Variants in LDLRAD3 observed in about 807,000 individuals in gnomAD.
LDLRAD3 encodes the protein low density lipoprotein receptor class A domain containing 3, also known as low-density lipoprotein receptor class A domain-containing protein 3.
In LDLRAD3, 20 loss-of-function variants were observed where a neutral mutation model predicts 29.4. The ratio of observed to expected loss-of-function variants is 0.68; its 90% CI spans 0.48 to 0.99. The LOEUF is 0.99. LDLRAD3 is among the 50% of genes least tolerant of loss of function. The probability of loss-of-function intolerance (pLI) is 0.00; values close to 1 mark genes in which losing one functional copy is unlikely to be tolerated. For synonymous variants in LDLRAD3, 157 were observed against 192.7 expected (o/e 0.81, Z 1.53); for missense variants, 420 against 454.3 (o/e 0.92, Z 0.69).
At chr11:35,949,399 T>C (rs1851102592) in intron 1 of LDLRAD3, among the ~76,000 whole-genome samples, 1 of 152,170 alleles carries the variant, frequency 6.6e-6, no homozygotes, top group Non-Finnish European at 1.5e-5. Context: ...CCAGATTGCC[T>C]TGGAAGTCTT....
At chr11:36,005,046 C>CTGGAGACA (rs1851867194) in intron 1 of LDLRAD3, among the ~76,000 whole-genome samples, 1 of 152,244 alleles carries the variant, frequency 6.6e-6, no homozygotes, top group Admixed American at 6.5e-5. Context: ...CTGAAATGCC[C>CTGGAGACA]TGGAGACATT....
intron 2 of LDLRAD3, among the ~76,000 whole-genome samples, chr11:36,060,065 T>C (rs999264865): frequency 3.3e-5 from 5 of 152,216 alleles, no homozygotes; most frequent in African/African-American, 1.2e-4. Context: ...TCAGAAGTTA[T>C]ATAACTCAGC....
chr11:36,223,450 C>G (rs1855456563), intron 4 of LDLRAD3, among the ~76,000 whole-genome samples: 1 of 152,126 alleles, frequency 6.6e-6, no homozygotes, highest in South Asian at 2.1e-4. Context: ...TTTCACTGGC[C>G]AGGAGTGGTG....
rs761816374 is a variant in LDLRAD3, at chr11:36,149,863, C to CTGTTCCTCATGACTCA, written c.454+51421_454+51436dup. Among the ~76,000 whole-genome samples the CTGTTCCTCATGACTCA allele has an allele frequency of 4.6e-5, 7 of 151,268 alleles. No homozygotes were observed. The East Asian group carries it at 7.7e-4, about 17-fold the overall frequency. On this transcript the variant is annotated intron_variant, in intron 4 of 5. Coordinates refer to ENST00000315571, the MANE Select transcript of LDLRAD3 (RefSeq NM_174902.4). ...TGACTCATGAATGTGTTCCTCATGA[C>CTGTTCCTCATGACTCA]TGTTCCTCATGACTCATGTTCCTCA...
intron 4 of LDLRAD3, among the ~76,000 whole-genome samples, chr11:36,209,446 G>C (rs972023457): frequency 9.6e-5 from 13 of 135,526 alleles, no homozygotes; most frequent in Admixed American, 2.5e-4. Flanking sequence ...TGCAACCTTC[G>C]CCTCCCGGGT....
chr11:36,056,282 C>T (rs899266306), intron 2 of LDLRAD3, among the ~76,000 whole-genome samples: 23 of 152,188 alleles, frequency 1.5e-4, no homozygotes, highest in African/African-American at 3.1e-4. Context: ...TGTGAGCCAC[C>T]GCACCTGGCT....
chr11:36,142,649 G>A (rs939914870), intron 4 of LDLRAD3, among the ~76,000 whole-genome samples: 1 of 152,178 alleles, frequency 6.6e-6, no homozygotes, highest in African/African-American at 2.4e-5. Flanking sequence ...GGGAGGGGCA[G>A]TGGTGCACCC....
At chr11:36,161,730 C>T (rs11033473) in intron 4 of LDLRAD3, among the ~76,000 whole-genome samples, 43,392 of 151,920 alleles carry the variant, frequency 0.29, 6,822 homozygotes, top group African/African-American at 0.41. Context: ...TTTATTTTGC[C>T]ACTAAATTTA....
chr11:36,081,813 G>A (rs879199133), intron 3 of LDLRAD3, 35 bp downstream of exon 3: 1 of 1,609,858 alleles, frequency 6.2e-7, no homozygotes, highest in African/African-American at 1.3e-5. Context: ...GTGATCCCTT[G>A]TTCTTTCCCG....
chr11:35,991,861 GGTT>G (rs994353253), intron 1 of LDLRAD3, among the ~76,000 whole-genome samples: 1 of 117,036 alleles, frequency 8.5e-6, no homozygotes, highest in Non-Finnish European at 1.8e-5. Flanking sequence ...TAAATTGAAT[GGTT>G]GTTTGTGTGT....
intron 4 of LDLRAD3, among the ~76,000 whole-genome samples, chr11:36,112,036 G>A (rs1015396679): frequency 1.3e-5 from 2 of 152,216 alleles, no homozygotes; most frequent in Admixed American, 6.5e-5. Flanking sequence ...TAGGTCAGCT[G>A]TTATTGAAAC....
chr11:36,217,416 A>G (rs1271856691), intron 4 of LDLRAD3, among the ~76,000 whole-genome samples: 1 of 152,024 alleles, frequency 6.6e-6, no homozygotes, highest in African/African-American at 2.4e-5. Context: ...GGCTAAGAGT[A>G]CAGATGCTGG....
intron 1 of LDLRAD3, among the ~76,000 whole-genome samples, chr11:36,033,931 A>G (rs1852272164): frequency 6.6e-6 from 1 of 152,228 alleles, no homozygotes; most frequent in Non-Finnish European, 1.5e-5. Context: ...GAGAAATTGC[A>G]GCAGAATAGG....
chr11:36,129,121 G>A (rs1400710192), intron 4 of LDLRAD3, among the ~76,000 whole-genome samples: 2 of 152,134 alleles, frequency 1.3e-5, no homozygotes, highest in Non-Finnish European at 2.9e-5. Context: ...CCTCCAGCTC[G>A]AGAGATTTAA....
chr11:36,000,928 C>T lies in LDLRAD3; in HGVS notation c.47-35175C>T, dbSNP rs560909172. On this transcript the variant is annotated intron_variant, in intron 1 of 5. Transcript: ENST00000315571. Reference sequence around the variant, plus strand: ...GAGGGTCCCCAGGGAAGCAGAGACACGTGGGAAGGATGGGAAATGTGTGGT... The same window carrying T: ...GAGGGTCCCCAGGGAAGCAGAGACATGTGGGAAGGATGGGAAATGTGTGGT... 2.2e-4 allele frequency among the ~76,000 whole-genome samples: 33 copies of T among 152,056 alleles called. No individual in the cohort carries two copies. In the South Asian group the frequency reaches 5.0e-3, roughly 23 times the overall value.
At chr11:36,191,576 C>CTCTCTCTCTCTCTCTCTCTCTCTA (rs377747518) in intron 4 of LDLRAD3, among the ~76,000 whole-genome samples, 1 of 53,434 alleles carries the variant, frequency 1.9e-5, no homozygotes, top group African/African-American at 8.3e-5. Flanking sequence ...CTCTCTCTCT[C>CTCTCTCTCTCTCTCTCTCTCTCTA]TATATATATA....
intron 4 of LDLRAD3, among the ~76,000 whole-genome samples, chr11:36,145,661 A>T (rs999213655): frequency 6.6e-6 from 1 of 151,748 alleles, no homozygotes. Context: ...TTCTGTACTA[A>T]GAAAAATTCT....
intron 1 of LDLRAD3, among the ~76,000 whole-genome samples, chr11:35,960,974 C>T (rs746668932): frequency 2.0e-5 from 3 of 152,148 alleles, no homozygotes; most frequent in African/African-American, 2.4e-5. Context: ...CCTCATCTCC[C>T]GCTGAGGTGG....
chr11:36,079,002 A>G lies in LDLRAD3; in HGVS notation c.194-2651A>G, dbSNP rs1853064989. 2.0e-5 allele frequency among the ~76,000 whole-genome samples: 3 copies of G among 152,274 alleles called. No individual in the cohort carries two copies. The South Asian group carries it at 6.2e-4, about 32-fold the overall frequency. ...AGGTTAAGACTGTGGCAGAGGCTTC[A>G]GGTCTGGGAGCGGATCCTACCAGGC... On this transcript the variant is annotated intron_variant, in intron 2 of 5. Coordinates refer to ENST00000315571, the MANE Select transcript of LDLRAD3 (RefSeq NM_174902.4).
Sources: gnomAD v4.1 joint callset for allele counts (sites outside exome capture counted in the v4.1 genomes callset) on GRCh38, gnomAD v4.1.1 for gene constraint, MANE v1.5 for transcripts, NCBI Gene and HGNC (gene_info 2026-07-23, HGNC 2026-07-21) for gene names.